The following MAP4K3 variants were observed in gnomAD, a reference collection of about 807,000 sequenced individuals.
The protein encoded by MAP4K3 is MAPK/ERK kinase kinase kinase 3.
Under a neutral mutation model 143.5 loss-of-function variants are expected in MAP4K3, and 94 were observed. The ratio of observed to expected loss-of-function variants is 0.65; its 90% CI spans 0.55 to 0.78. The LOEUF is 0.78. Ranked by LOEUF, MAP4K3 falls within the 30% of genes least tolerant of loss-of-function variation. The pLI is 0.00. For synonymous variants in MAP4K3, 416 were observed against 347.2 expected, an observed-to-expected ratio of 1.20 and a Z score of -2.20; for missense variants, 1,077 against 1,068.1, an observed-to-expected ratio of 1.01 and a Z score of -0.12.
intron 8 of MAP4K3, among the ~76,000 whole-genome samples, chr2:39,330,079 A>G (rs1043749123): frequency 6.6e-6 from 1 of 152,224 alleles, no homozygotes; most frequent in African/African-American, 2.4e-5. Flanking sequence ...GAGAGCAGGA[A>G]AAAGTACAGC....
At chr2:39,269,170 G>A (rs1246537035) in intron 26 of MAP4K3, among the ~76,000 whole-genome samples, 4 of 151,518 alleles carry the variant, frequency 2.6e-5, no homozygotes, top group Admixed American at 2.0e-4. Context: ...CATGTGTGAT[G>A]TTCAGTGCAA....
In MAP4K3 at chr2:39,324,008, A is replaced by T. The variant is rs530739655; in HGVS notation, c.918+1510T>A. ...TTTTAGCTTATGCAGTCATTTTTAC[A>T]GTCCCATACTACCATGCACATCAAG... On this transcript the variant is annotated intron_variant, in intron 12 of 33. Coordinates refer to ENST00000263881, the MANE Select transcript of MAP4K3 (RefSeq NM_003618.4). Among the ~76,000 whole-genome samples, 26 of 152,338 alleles carry T rather than the reference A, an allele frequency of 1.7e-4. No individual in the cohort carries two copies. The South Asian group carries it at 5.4e-3, about 32-fold the overall frequency.
chr2:39,436,550 C>T (rs1572525415), intron 1 of MAP4K3: 1 of 266,000 alleles, frequency 3.8e-6, no homozygotes, highest in Admixed American at 5.2e-5. Context: ...GTTCGTCGCG[C>T]TGACCCTGCC....
intron 2 of MAP4K3, among the ~76,000 whole-genome samples, chr2:39,373,567 A>G (rs1045687995): frequency 5.9e-5 from 9 of 152,236 alleles, no homozygotes; most frequent in Non-Finnish European, 1.3e-4. Context: ...ATGAAGAAAG[A>G]AATGTGATAC....
At chr2:39,425,774 A>T (rs1240850885) in intron 1 of MAP4K3, among the ~76,000 whole-genome samples, 1 of 152,238 alleles carries the variant, frequency 6.6e-6, no homozygotes, top group Admixed American at 6.5e-5. Flanking sequence ...CATCAAAATA[A>T]AAGTGATGAA....
intron 12 of MAP4K3, among the ~76,000 whole-genome samples, chr2:39,321,072 C>T (rs1225396738): frequency 6.6e-6 from 1 of 152,114 alleles, no homozygotes; most frequent in Non-Finnish European, 1.5e-5. Flanking sequence ...TTTACATGTG[C>T]AACCTGCTTT....
intron 1 of MAP4K3, among the ~76,000 whole-genome samples, chr2:39,411,575 T>C (rs1667233721): frequency 6.6e-6 from 1 of 152,228 alleles, no homozygotes. Context: ...GTTACAATTC[T>C]GGAAATCCAT....
At chr2:39,428,870 C>T (rs892733644) in intron 1 of MAP4K3, among the ~76,000 whole-genome samples, 4 of 151,454 alleles carry the variant, frequency 2.6e-5, no homozygotes, top group African/African-American at 9.7e-5. Context: ...GAGTTCGAGA[C>T]CAGCCTGGCC....
At chr2:39,322,119 AC>A (rs1683329745) in intron 12 of MAP4K3, among the ~76,000 whole-genome samples, 1 of 152,040 alleles carries the variant, frequency 6.6e-6, no homozygotes, top group African/African-American at 2.4e-5. Flanking sequence ...GGGGCAACCC[AC>A]CCCTTCAATT....
In MAP4K3 at chr2:39,326,196, G is replaced by A; in HGVS notation, c.612C>T (p.Ala204=). Residue 204 remains alanine, a synonymous_variant, in exon 9 of 34, where the codon GCC becomes GCT. Transcript: ENST00000263881. ...LCDLWAVGIT[A]IELAELQPPM... Reference sequence around the variant, plus strand: ...GAGGCTGAAGCTCTGCAAGTTCTATGGCAGTGATTCCCACTGCCCAGAGAT... The same window carrying A: ...GAGGCTGAAGCTCTGCAAGTTCTATAGCAGTGATTCCCACTGCCCAGAGAT... 2.5e-6 allele frequency: 4 copies of A among 1,613,780 alleles called. No homozygotes were observed. The highest frequency in any genetic ancestry group is 3.4e-6 in the Non-Finnish European group (4 of 1,179,878).
chr2:39,372,088 T>C lies in MAP4K3; in HGVS notation c.154+5978A>G, dbSNP rs563751252. On this transcript the variant is annotated intron_variant, in intron 2 of 33. Transcript: ENST00000263881. ...ATTAAACTGATAAATTCAGTAAAGC[T>C]GCAGGACACAAAATAAATATTCAAA... Among the ~76,000 whole-genome samples, 4 of 151,918 alleles carry C rather than the reference T, an allele frequency of 2.6e-5. No homozygotes were observed. In the South Asian group the frequency reaches 8.3e-4, roughly 31 times the overall value.
chr2:39,379,836 G>T (rs571970973), intron 1 of MAP4K3: 6 of 168,372 alleles, frequency 3.6e-5, no homozygotes, highest in African/African-American at 1.4e-4. Flanking sequence ...TTATAACTGA[G>T]ATTTTTGTTA....
At chr2:39,341,739 C>T (rs1558656064) in intron 4 of MAP4K3, among the ~76,000 whole-genome samples, 2 of 150,166 alleles carry the variant, frequency 1.3e-5, no homozygotes. Flanking sequence ...AAATTCCAAC[C>T]AAAAAAAAGT....
chr2:39,310,891 T>C (rs1175718281), intron 13 of MAP4K3, among the ~76,000 whole-genome samples: 1 of 152,196 alleles, frequency 6.6e-6, no homozygotes, highest in Non-Finnish European at 1.5e-5. Context: ...TATTTTCATG[T>C]ATCTGATGGC....
chr2:39,257,781 A>G (rs1400115920), intron 31 of MAP4K3, among the ~76,000 whole-genome samples: 7 of 145,802 alleles, frequency 4.8e-5, no homozygotes, highest in Admixed American at 4.8e-4. Flanking sequence ...CCTGGGTGGC[A>G]GAGACACTCC....
At chr2:39,305,709 G>C (rs1431620175) in intron 15 of MAP4K3, among the ~76,000 whole-genome samples, 1 of 152,168 alleles carries the variant, frequency 6.6e-6, no homozygotes, top group African/African-American at 2.4e-5. Context: ...GGAAACTCCT[G>C]ATTATAGGGC....
At chr2:39,424,622 G>A (rs994262346) in intron 1 of MAP4K3, among the ~76,000 whole-genome samples, 4 of 151,960 alleles carry the variant, frequency 2.6e-5, no homozygotes, top group African/African-American at 9.7e-5. Flanking sequence ...CTGAGCCCAG[G>A]AGTTTGATAC....
At chr2:39,377,428 T>A (rs901154210) in intron 2 of MAP4K3, among the ~76,000 whole-genome samples, 6 of 152,006 alleles carry the variant, frequency 3.9e-5, no homozygotes, top group African/African-American at 1.4e-4. Flanking sequence ...AAGGGGTTTC[T>A]AAGAGAGAAT....
intron 26 of MAP4K3, 183 bp downstream of exon 26, chr2:39,272,100 T>A: frequency 2.2e-6 from 1 of 456,526 alleles, no homozygotes; most frequent in Non-Finnish European, 3.9e-6. Context: ...AATTTGAAAG[T>A]ACAAAGTAGA....
Sources: gnomAD v4.1 joint callset for allele counts (sites outside exome capture counted in the v4.1 genomes callset) on GRCh38, gnomAD v4.1.1 for gene constraint, MANE v1.5 for transcripts, NCBI Gene and HGNC (gene_info 2026-07-23, HGNC 2026-07-21) for gene names.